PHTF2: variants seen among roughly 807,000 people sequenced by gnomAD.
PHTF2 encodes protein PHTF2.
Under a neutral mutation model 101.2 loss-of-function variants are expected in PHTF2, and 60 were observed. That is an observed-to-expected ratio of 0.59 (90% CI 0.48 to 0.73). The LOEUF (loss-of-function observed/expected upper bound fraction) is 0.73, where lower values mean the gene tolerates loss of function less well. PHTF2 is among the 30% of genes least tolerant of loss of function. The pLI is 0.00. For synonymous variants in PHTF2, 311 were observed against 307.3 expected, an observed-to-expected ratio of 1.01 and a Z score of -0.13; for missense variants, 747 against 908.7, an observed-to-expected ratio of 0.82 and a Z score of 2.29.
intron 1 of PHTF2, among the ~76,000 whole-genome samples, chr7:77,820,438 A>G (rs1038630823): frequency 2.6e-5 from 4 of 152,116 alleles, no homozygotes; most frequent in African/African-American, 9.7e-5. Context: ...TGTAACCTCA[A>G]ACTTCTGGGT....
chr7:77,941,646 A>G (rs754957328), intron 15 of PHTF2, among the ~76,000 whole-genome samples: 8 of 152,094 alleles, frequency 5.3e-5, no homozygotes, highest in Non-Finnish European at 7.4e-5. Context: ...TTTATCACCA[A>G]TTCCTATCTT....
chr7:77,846,012 G>C (rs1796254504), intron 2 of PHTF2, among the ~76,000 whole-genome samples: 1 of 152,080 alleles, frequency 6.6e-6, no homozygotes, highest in South Asian at 2.1e-4. Context: ...TCCCATCACA[G>C]ATGCCTTTCT....
intron 7 of PHTF2, 55 bp downstream of exon 6, chr7:77,901,975 A>C: frequency 8.9e-7 from 1 of 1,123,176 alleles, no homozygotes; most frequent in Non-Finnish European, 1.2e-6. Flanking sequence ...TGTTAGGTTT[A>C]ATAAGTCTTT....
intron 2 of PHTF2, among the ~76,000 whole-genome samples, chr7:77,843,368 A>G (rs1003837087): frequency 2.0e-5 from 3 of 152,112 alleles, no homozygotes; most frequent in Admixed American, 2.0e-4. Context: ...AGTCAGTCAT[A>G]TTCAGGTTTA....
At chr7:77,876,842 A>T (rs1297279826) in intron 3 of PHTF2, among the ~76,000 whole-genome samples, 1 of 152,216 alleles carries the variant, frequency 6.6e-6, no homozygotes, top group Non-Finnish European at 1.5e-5. Context: ...ACCACTGCAT[A>T]ATTTAAGAGT....
rs71082790 is a variant in PHTF2, at chr7:77,863,655, CT to C, written c.147+8833del. On this transcript the variant is annotated intron_variant, in intron 3 of 19. Transcript: ENST00000416283. ...TTTATTACACATGGATTATTAAAGA[CT>C]TTTTTTTTTTTAACCAAGACTTTCT... Among the ~76,000 whole-genome samples the C allele has an allele frequency of 2.9e-3, 414 of 143,420 alleles. 1 individual carries two copies. The highest frequency in any genetic ancestry group is 0.011 in the Middle Eastern group (3 of 280). The allele number at this position is 143,420 out of a possible 152,430, so 94.1% of individuals were successfully genotyped here.
intron 12 of PHTF2, among the ~76,000 whole-genome samples, chr7:77,935,214 C>CTTTTTTT (rs1158677069): frequency 1.7e-5 from 1 of 59,248 alleles, no homozygotes; most frequent in African/African-American, 5.6e-5. Context: ...GTAATTTACC[C>CTTTTTTT]TTTTTTTTTT....
In PHTF2 at chr7:77,940,530, AT is replaced by A. The variant is rs1323820003; in HGVS notation, c.1745del (p.Leu582TyrfsTer10). 6.3e-7 allele frequency: 1 copy of A among 1,591,210 alleles called. No individual in the cohort carries two copies. The highest frequency in any genetic ancestry group is 1.2e-5 in the South Asian group (1 of 85,690). On this transcript the variant is annotated frameshift_variant, in exon 15 of 20. Coordinates refer to ENST00000416283, the Ensembl canonical transcript of PHTF2. LOFTEE classifies it high-confidence loss of function. The stretch of plus-strand genomic sequence containing the variant: ...ATCCTCATCTTAATCTTTTTTAGCG[AT>A]TACTTTTTGCAAAACTCTTTGGACA...
intron 3 of PHTF2, among the ~76,000 whole-genome samples, chr7:77,890,904 CTT>C (rs11442975): frequency 4.0e-4 from 37 of 92,948 alleles, no homozygotes; most frequent in African/African-American, 1.4e-3. Context: ...CGCACCCGGC[CTT>C]TTTTTTTTTT....
chr7:77,949,038 G>A (rs964724125), intron 16 of PHTF2, among the ~76,000 whole-genome samples: 2 of 152,144 alleles, frequency 1.3e-5, no homozygotes, highest in African/African-American at 4.8e-5. Context: ...ATTAATGATA[G>A]GGTTGACCAA....
intron 3 of PHTF2, among the ~76,000 whole-genome samples, chr7:77,866,147 A>G (rs1250848640): frequency 1.4e-5 from 2 of 146,252 alleles, no homozygotes; most frequent in Non-Finnish European, 3.0e-5. Context: ...TCACACCACC[A>G]CACTCCTGCC....
chr7:77,913,955 A>G (rs534204952), intron 9 of PHTF2, among the ~76,000 whole-genome samples: 3 of 151,890 alleles, frequency 2.0e-5, no homozygotes, highest in South Asian at 2.1e-4. Context: ...AATCCCAGCT[A>G]CTTGAGAGGC....
chr7:77,900,671 G>A lies in PHTF2; in HGVS notation c.217-40G>A, dbSNP rs561523539. 1.2e-5 allele frequency: 11 copies of A among 954,468 alleles called. No homozygotes were observed. In the South Asian group the frequency reaches 1.3e-4, roughly 11 times the overall value. The allele number at this position is 954,468 out of a possible 1,614,324, so 59.1% of individuals were successfully genotyped here. ...TGATTTTCTCCTGTTCTAGATTTAAGTATATATACAATTCCAATGCTTCTT... is the reference window on the plus strand; with the variant it reads ...TGATTTTCTCCTGTTCTAGATTTAAATATATATACAATTCCAATGCTTCTT... On this transcript the variant is annotated intron_variant, in intron 5 of 19. Coordinates refer to ENST00000416283, the Ensembl canonical transcript of PHTF2.
At chr7:77,834,398 TAA>T (rs1397420027) in intron 1 of PHTF2, among the ~76,000 whole-genome samples, 3 of 150,730 alleles carry the variant, frequency 2.0e-5, no homozygotes, top group Non-Finnish European at 4.4e-5. Context: ...TAAAATAACA[TAA>T]ACTGTTGATT....
chr7:77,874,645 T>C (rs1363851216), intron 3 of PHTF2, among the ~76,000 whole-genome samples: 2 of 152,222 alleles, frequency 1.3e-5, no homozygotes, highest in East Asian at 1.9e-4. Flanking sequence ...GCTGATTAGA[T>C]TGTGCCCACC....
Position 77,929,096 on chromosome 7 carries a change from AT to A in PHTF2, c.1120-12del. ...ATAAATTGTATTAATGTCAAAGAAT[AT>A]CTTGATTTCAGGACGCCCCTAAATC... is the stretch of plus-strand genomic sequence containing the variant. On this transcript the variant is annotated splice_polypyrimidine_tract_variant and intron_variant, in intron 11 of 19. Coordinates refer to ENST00000416283, the Ensembl canonical transcript of PHTF2. 6.3e-7 allele frequency: 1 copy of A among 1,588,796 alleles called. No individual in the cohort carries two copies. Among genetic ancestry groups the A allele is most frequent in the Middle Eastern group, 1.7e-4 (1 of 6,012 alleles).
At position 77,888,061 on chromosome 7, in the gene PHTF2, C is replaced by G. The variant is rs184986431; in HGVS notation, c.148-5547C>G. On this transcript the variant is annotated intron_variant, in intron 3 of 19. Transcript: ENST00000416283. Reference sequence around the variant, plus strand: ...GTACGTTAATTACCTTGGTATATCTCTCTCTGTGTATCTATCAACAAAACA... The same window carrying G: ...GTACGTTAATTACCTTGGTATATCTGTCTCTGTGTATCTATCAACAAAACA... Among the ~76,000 whole-genome samples, 179 of 152,276 alleles carry G rather than the reference C, an allele frequency of 1.2e-3. 1 individual carries two copies. Among genetic ancestry groups the G allele is most frequent in the African/African-American group, 4.2e-3 (174 of 41,556 alleles).
intron 3 of PHTF2, among the ~76,000 whole-genome samples, chr7:77,879,505 T>C (rs1799231326): frequency 6.6e-6 from 1 of 152,172 alleles, no homozygotes; most frequent in South Asian, 2.1e-4. Context: ...CTCCCTTTCC[T>C]GTATGAACCA....
chr7:77,890,036 CCAT>C (rs1800244834), intron 3 of PHTF2, among the ~76,000 whole-genome samples: 2 of 144,830 alleles, frequency 1.4e-5, no homozygotes, highest in Non-Finnish European at 3.0e-5. Flanking sequence ...CCCCCCACCA[CCAT>C]GAGACATTCT....
Sources: allele counts gnomAD v4.1 joint callset (sites outside exome capture counted in the v4.1 genomes callset), GRCh38; gene constraint gnomAD v4.1.1; transcripts MANE v1.5; gene names NCBI Gene and HGNC (gene_info 2026-07-23, HGNC 2026-07-21).